Variants in NRXN3 observed in about 807,000 individuals in gnomAD.
NRXN3 encodes neurexin 3.
NRXN3 carries 32 observed loss-of-function variants against 137.6 expected under a neutral mutation model. The ratio of observed to expected loss-of-function variants is 0.23; its 90% confidence interval spans 0.18 to 0.31. NRXN3 has a LOEUF of 0.31. NRXN3 is among the 10% of genes least tolerant of loss of function. The pLI, the probability that NRXN3 is intolerant of heterozygous loss-of-function variation, is 1.00. For missense variants in NRXN3, 1,574 were observed against 2,062.5 expected, an observed-to-expected ratio of 0.76 and a Z score of 4.59; for synonymous variants, 798 against 784.5, an observed-to-expected ratio of 1.02 and a Z score of -0.29.
Position 78,342,703 on chromosome 14 carries a change from C to T in NRXN3, c.757+44843C>T, listed in dbSNP as rs190856945. On this transcript the variant is annotated intron_variant, in intron 4 of 20. Transcript: ENST00000335750. Reference sequence around the variant, plus strand: ...CTTGAATTCTTAATTACTCATTACTCATGTGTCTACAGCACCAAAGCCTTT... The same window carrying T: ...CTTGAATTCTTAATTACTCATTACTTATGTGTCTACAGCACCAAAGCCTTT... Among the ~76,000 whole-genome samples the T allele has an allele frequency of 1.5e-3, 228 of 152,292 alleles. 1 individual carries two copies. The highest frequency in any genetic ancestry group is 4.3e-3 in the Admixed American group (65 of 15,292).
At chr14:78,473,648 A>G (rs951048226) in intron 4 of NRXN3, among the ~76,000 whole-genome samples, 1 of 152,176 alleles carries the variant, frequency 6.6e-6, no homozygotes, top group Admixed American at 6.5e-5. Context: ...TTGTTAATAC[A>G]GTTACTGTGA....
At chr14:78,737,381 C>A (rs1333883069) in intron 8 of NRXN3, among the ~76,000 whole-genome samples, 4 of 152,128 alleles carry the variant, frequency 2.6e-5, no homozygotes, top group Non-Finnish European at 5.9e-5. Flanking sequence ...GGCCCTAAGG[C>A]ACCTTACCCT....
intron 15 of NRXN3, among the ~76,000 whole-genome samples, chr14:79,315,780 C>G (rs931106761): frequency 6.6e-6 from 1 of 152,124 alleles, no homozygotes; most frequent in African/African-American, 2.4e-5. Flanking sequence ...CTTGTGTTAG[C>G]CTAGCCAGAA....
Position 79,212,867 on chromosome 14 carries a change from C to CT in NRXN3, c.3262+224738dup, listed in dbSNP as rs200773063. 3.7e-3 allele frequency among the ~76,000 whole-genome samples: 526 copies of CT among 143,210 alleles called. 3 individuals are homozygous for CT. The highest frequency in any genetic ancestry group is 0.021 in the Middle Eastern group (6 of 280). 94.0% of individuals were successfully genotyped at this position (143,210 alleles called of 152,430 possible). ...TCCAAATTTGTTTGACCTTGGAATG[C>CT]TTTTTTTTTTTTAGAAGCAACTTGA... is the stretch of plus-strand genomic sequence containing the variant. On this transcript the variant is annotated intron_variant, in intron 15 of 20. Transcript: ENST00000335750.
intron 10 of NRXN3, among the ~76,000 whole-genome samples, chr14:78,955,359 A>C (rs956941020): frequency 1.3e-5 from 2 of 152,200 alleles, no homozygotes; most frequent in African/African-American, 4.8e-5. Context: ...CTTAGACCTG[A>C]ACTTAATAAG....
intron 15 of NRXN3, among the ~76,000 whole-genome samples, chr14:79,269,010 G>A (rs1346547402): frequency 2.6e-5 from 4 of 151,166 alleles, no homozygotes; most frequent in African/African-American, 9.8e-5. Context: ...TCTCTCTCAT[G>A]GTGGACTATT....
At chr14:79,853,255 C>T (rs540622063) in intron 20 of NRXN3, among the ~76,000 whole-genome samples, 26 of 152,294 alleles carry the variant, frequency 1.7e-4, no homozygotes, top group African/African-American at 5.8e-4. Flanking sequence ...AGTTGTTCAA[C>T]TTGAATGCAT....
At chr14:79,253,643 A>G (rs1261510100) in intron 15 of NRXN3, among the ~76,000 whole-genome samples, 1 of 152,248 alleles carries the variant, frequency 6.6e-6, no homozygotes, top group Non-Finnish European at 1.5e-5. Context: ...TACAATCATG[A>G]TGGAAGGTGA....
chr14:79,720,151 T>C (rs1312968707), intron 19 of NRXN3, among the ~76,000 whole-genome samples: 2 of 152,016 alleles, frequency 1.3e-5, no homozygotes, highest in African/African-American at 4.8e-5. Context: ...ACAATCATGG[T>C]GGAAGGCAAA....
intron 15 of NRXN3, among the ~76,000 whole-genome samples, chr14:79,228,448 A>T (rs2071480993): frequency 6.6e-6 from 1 of 152,202 alleles, no homozygotes; most frequent in Admixed American, 6.6e-5. Context: ...CAAATGCAAC[A>T]GATGTTGCAA....
intron 15 of NRXN3, among the ~76,000 whole-genome samples, chr14:79,244,492 A>C (rs374505944): frequency 6.6e-6 from 1 of 152,118 alleles, no homozygotes; most frequent in Admixed American, 6.6e-5. Flanking sequence ...CAAATTTGGC[A>C]TATTGGTGGG....
intron 15 of NRXN3, among the ~76,000 whole-genome samples, chr14:79,030,369 C>T (rs561287645): frequency 6.6e-6 from 1 of 152,108 alleles, no homozygotes; most frequent in South Asian, 2.1e-4. Flanking sequence ...GATTCAGATT[C>T]CCAGGGAAAG....
At chr14:78,327,561 A>G (rs577871809) in intron 4 of NRXN3, among the ~76,000 whole-genome samples, 1 of 152,300 alleles carries the variant, frequency 6.6e-6, no homozygotes, top group South Asian at 2.1e-4. Context: ...TGGTACTTCA[A>G]CTATAAGGGA....
At chr14:79,783,914 G>C (rs2099121557) in intron 19 of NRXN3, among the ~76,000 whole-genome samples, 4 of 152,050 alleles carry the variant, frequency 2.6e-5, no homozygotes, top group African/African-American at 7.2e-5. Flanking sequence ...AATAAAAATG[G>C]TCTGTTTGGG....
intron 4 of NRXN3, among the ~76,000 whole-genome samples, chr14:78,522,961 T>C (rs2193667): frequency 0.22 from 33,539 of 152,194 alleles, 4,080 homozygotes; most frequent in Middle Eastern, 0.32. Flanking sequence ...TCTAAAGGAA[T>C]GTGAATTCAT....
intron 15 of NRXN3, among the ~76,000 whole-genome samples, chr14:79,242,134 T>C (rs553613608): frequency 1.3e-5 from 2 of 152,138 alleles, no homozygotes; most frequent in South Asian, 2.1e-4. Flanking sequence ...CACCTATTTA[T>C]CAGATGAGAA....
chr14:79,332,234 A>G (rs547243644), intron 15 of NRXN3, among the ~76,000 whole-genome samples: 1 of 152,338 alleles, frequency 6.6e-6, no homozygotes, highest in African/African-American at 2.4e-5. Context: ...CCAACCTTAT[A>G]CTGCTTATTG....
intron 16 of NRXN3, among the ~76,000 whole-genome samples, chr14:79,629,885 C>G (rs1243480857): frequency 6.6e-6 from 1 of 151,886 alleles, no homozygotes; most frequent in African/African-American, 2.4e-5. Context: ...GGTAGCAGCC[C>G]TTTCCCCTGA....
intron 4 of NRXN3, among the ~76,000 whole-genome samples, chr14:78,344,811 ATGC>A (rs2082529028): frequency 6.6e-6 from 1 of 152,144 alleles, no homozygotes. Flanking sequence ...CTTGTTACAA[ATGC>A]TGGTACCTAG....
Sources: allele counts gnomAD v4.1 joint callset (sites outside exome capture counted in the v4.1 genomes callset), GRCh38; gene constraint gnomAD v4.1.1; transcripts MANE v1.5; gene names NCBI Gene and HGNC (gene_info 2026-07-23, HGNC 2026-07-21).